Variants in PCDHGA2 observed in about 807,000 individuals in gnomAD.
The protein encoded by PCDHGA2 is protocadherin gamma subfamily A, 2.
In PCDHGA2, 40 loss-of-function variants were observed where a neutral mutation model predicts 59.2. That is an observed-to-expected ratio of 0.68 (90% CI 0.52 to 0.88). The LOEUF (loss-of-function observed/expected upper bound fraction) is 0.88. Ranked by LOEUF, PCDHGA2 falls within the 40% of genes least tolerant of loss-of-function variation. The pLI is 0.00. For synonymous variants in PCDHGA2, 560 were observed against 526.0 expected (o/e 1.06, Z -0.89); for missense variants, 1,226 against 1,204.0 (o/e 1.02, Z -0.27).
chr5:141,395,053 A>T (rs1210765378), intron 1 of PCDHGA2: 1 of 1,614,062 alleles, frequency 6.2e-7, no homozygotes, highest in East Asian at 2.2e-5. Context: ...GAGGAGGTAC[A>T]GGCTTTCCTG....
At chr5:141,365,440 C>G in intron 1 of PCDHGA2, 1 of 1,613,954 alleles carries the variant, frequency 6.2e-7, no homozygotes, top group Non-Finnish European at 8.5e-7. Context: ...CGCTGTTTAG[C>G]GTACATGATG....
intron 1 of PCDHGA2, chr5:141,402,990 T>A (rs773089843): frequency 1.6e-5 from 26 of 1,611,934 alleles, no homozygotes; most frequent in Non-Finnish European, 2.0e-5. Context: ...CGCGGAAGAT[T>A]AGTCCTGCTA....
At position 141,511,397 on chromosome 5, in the gene PCDHGA2, C is replaced by A; in HGVS notation, c.*224C>A. ...AGCAGTTCCGCTGGGAACCCCCATC[C>A]AATCAACTGCTGTACCCATGGGGGT... On this transcript the variant is annotated 3_prime_UTR_variant, in exon 4 of 4. Coordinates refer to ENST00000394576, the MANE Select transcript of PCDHGA2 (RefSeq NM_018915.4). 1.0e-6 allele frequency: 1 copy of A among 1,002,376 alleles called. No individual in the cohort carries two copies. The highest frequency in any genetic ancestry group is 1.4e-6 in the Non-Finnish European group (1 of 705,546). 62.1% of individuals were successfully genotyped at this position (1,002,376 alleles called of 1,614,324 possible). A position where few individuals can be genotyped will look rare whatever the true frequency, so the allele number is the denominator to read the frequency against.
chr5:141,355,640 A>C (rs373212603), intron 1 of PCDHGA2: 24 of 1,613,870 alleles, frequency 1.5e-5, no homozygotes, highest in Non-Finnish European at 2.0e-5. Flanking sequence ...GAAAATGAAA[A>C]TCCTGGGGCA....
intron 1 of PCDHGA2, among the ~76,000 whole-genome samples, chr5:141,451,090 A>G (rs2098706546): frequency 6.6e-6 from 1 of 151,864 alleles, no homozygotes; most frequent in Non-Finnish European, 1.5e-5. Context: ...GACCTCCCAA[A>G]GTGTTGGGAT....
chr5:141,374,093 C>G (rs1039229802), intron 1 of PCDHGA2: 2 of 1,554,704 alleles, frequency 1.3e-6, no homozygotes, highest in South Asian at 1.2e-5. Context: ...AATGGCGCCT[C>G]CGCAGAGGCA....
chr5:141,385,109 C>T (rs931773405), intron 1 of PCDHGA2: 5 of 1,614,174 alleles, frequency 3.1e-6, no homozygotes, highest in Non-Finnish European at 4.2e-6. Flanking sequence ...AACGTGCCCA[C>T]CTCGCACTTT....
Position 141,349,194 on chromosome 5 carries a change from C to T in PCDHGA2, c.2424+7799C>T, listed in dbSNP as rs138459537. Among the ~76,000 whole-genome samples, 622 of 152,096 alleles carry T rather than the reference C, an allele frequency of 4.1e-3. 4 individuals are homozygous for T. The highest frequency in any genetic ancestry group is 0.01 in the Middle Eastern group (3 of 294). On this transcript the variant is annotated intron_variant, in intron 1 of 3. Coordinates refer to ENST00000394576, the MANE Select transcript of PCDHGA2 (RefSeq NM_018915.4). ...AAGTGATTCTGCTGCCTCAACCTCC[C>T]GAGTAGCTGGCGTTACAGGTACCCG...
In PCDHGA2 at chr5:141,477,794, C is replaced by A. The variant is rs148942362; in HGVS notation, c.2425-17013C>A. On this transcript the variant is annotated intron_variant, in intron 1 of 3. Coordinates refer to ENST00000394576, the MANE Select transcript of PCDHGA2 (RefSeq NM_018915.4). This position sits in a 1 kb window ranked among gnomAD's most constrained non-coding sequence, Gnocchi z 4.9. ...CAGCGTGAACATATTTGTCACTGAT[C>A]GCAATGACAATGCCCCCCAGGTCCT... The A allele has an allele frequency of 5.6e-6, 9 of 1,614,086 alleles. No individual in the cohort carries two copies. Among genetic ancestry groups the A allele is most frequent in the Non-Finnish European group, 7.6e-6 (9 of 1,180,030 alleles).
At chr5:141,460,010 G>A (rs376180479) in intron 1 of PCDHGA2, among the ~76,000 whole-genome samples, 1 of 152,126 alleles carries the variant, frequency 6.6e-6, no homozygotes, top group Admixed American at 6.5e-5. Context: ...CCCAGGAGGC[G>A]GAGGTTGCAG....
At chr5:141,501,288 TATACAC>T (rs201660636) in intron 2 of PCDHGA2, among the ~76,000 whole-genome samples, 3 of 81,324 alleles carry the variant, frequency 3.7e-5, no homozygotes, top group African/African-American at 1.5e-4. Flanking sequence ...GATATTCCCT[TATACAC>T]ACACACACAC....
rs71576115 is a variant in PCDHGA2, at chr5:141,463,438, CTTTT to C, written c.2425-31344_2425-31341del. Among the ~76,000 whole-genome samples, 12 of 103,242 alleles carry C rather than the reference CTTTT, an allele frequency of 1.2e-4. No homozygotes were observed. In the South Asian group the frequency reaches 1.6e-3, roughly 14 times the overall value. 67.7% of individuals were successfully genotyped at this position (103,242 alleles called of 152,430 possible). ...GTTTGCGGATCCTCATTTCCTTCTCCTTTTTTTTTTTTTTTTTTTTTTTTTTTTG... is the reference window on the plus strand; with the variant it reads ...GTTTGCGGATCCTCATTTCCTTCTCCTTTTTTTTTTTTTTTTTTTTTTTTG... On this transcript the variant is annotated intron_variant, in intron 1 of 3. Coordinates refer to ENST00000394576, the MANE Select transcript of PCDHGA2 (RefSeq NM_018915.4).
intron 1 of PCDHGA2, among the ~76,000 whole-genome samples, chr5:141,425,769 A>C (rs1355689852): frequency 6.6e-6 from 1 of 152,256 alleles, no homozygotes; most frequent in Non-Finnish European, 1.5e-5. Flanking sequence ...ACAGGAGAGA[A>C]GACTTTGCCT....
chr5:141,399,361 C>A (rs375619778), intron 1 of PCDHGA2: 1 of 1,613,960 alleles, frequency 6.2e-7, no homozygotes. Context: ...AGAGCAAACC[C>A]CGGAGTACAA....
chr5:141,376,474 A>G, intron 1 of PCDHGA2: 5 of 1,614,136 alleles, frequency 3.1e-6, no homozygotes, highest in Non-Finnish European at 3.4e-6. Context: ...CTCAGGATTT[A>G]CTTGAAACGA....
At chr5:141,450,364 T>G (rs2098678485) in intron 1 of PCDHGA2, among the ~76,000 whole-genome samples, 1 of 152,188 alleles carries the variant, frequency 6.6e-6, no homozygotes, top group Admixed American at 6.5e-5. Flanking sequence ...TCCTCAGCCT[T>G]GTTTGTTTAT....
At chr5:141,376,554 C>A in intron 1 of PCDHGA2, 1 of 1,611,072 alleles carries the variant, frequency 6.2e-7, no homozygotes, top group Non-Finnish European at 8.5e-7. Flanking sequence ...GATCTTCCCG[C>A]AACCCAACTA....
chr5:141,483,501 G>A (rs1022338958), intron 1 of PCDHGA2, among the ~76,000 whole-genome samples: 2 of 150,394 alleles, frequency 1.3e-5, no homozygotes, highest in Admixed American at 1.3e-4. Context: ...ATGAGTCAAG[G>A]CTGATCCCCC....
intron 1 of PCDHGA2, chr5:141,357,632 C>T (rs1588529115): frequency 1.2e-6 from 2 of 1,612,944 alleles, no homozygotes; most frequent in South Asian, 1.1e-5. Flanking sequence ...GTGAGTCAAT[C>T]TTATAATAGA....
Sources: gnomAD v4.1 joint callset for allele counts (sites outside exome capture counted in the v4.1 genomes callset) on GRCh38, gnomAD v4.1.1 for gene constraint, Gnocchi (gnomAD v3.1) non-coding constraint, MANE v1.5 for transcripts, NCBI Gene and HGNC (gene_info 2026-07-23, HGNC 2026-07-21) for gene names.